Variants in PRDM11 observed in about 807,000 individuals in gnomAD.
PRDM11 encodes the protein PR/SET domain 11, also known as PR domain-containing protein 11.
A neutral mutation model predicts 97.8 loss-of-function variants in PRDM11; 20 were observed. The observed-to-expected ratio is 0.20, with a 90% CI of 0.14 to 0.30. The LOEUF is 0.30. PRDM11 is among the 10% of genes least tolerant of loss of function. PRDM11 has a pLI of 1.00. For synonymous variants in PRDM11, 599 were observed against 637.7 expected (o/e 0.94, Z 0.91); for missense variants, 1,139 against 1,555.2 (o/e 0.73, Z 4.50).
At chr11:45,180,498 G>A (rs1311478905) in intron 1 of PRDM11, among the ~76,000 whole-genome samples, 2 of 151,880 alleles carry the variant, frequency 1.3e-5, no homozygotes, top group East Asian at 3.9e-4. Context: ...GCCCTGGAAT[G>A]CGTCCACCGC....
At chr11:45,220,293 T>C (rs376334942) in intron 6 of PRDM11, among the ~76,000 whole-genome samples, 4 of 152,292 alleles carry the variant, frequency 2.6e-5, no homozygotes, top group African/African-American at 9.6e-5. Flanking sequence ...CTGGTGTTGA[T>C]ATATTTTCCA....
rs150603526 is a variant in PRDM11 at position 45,224,656 on chromosome 11, C to T, written c.1182C>T (p.Ala394=). The T allele has an allele frequency of 5.9e-5, 96 of 1,614,058 alleles. No individual in the cohort carries two copies. The Admixed American group carries it at 6.3e-4, about 11-fold the overall frequency. Residue 394 remains alanine (A), a synonymous_variant, in exon 7 of 8, where the codon GCC becomes GCT. Coordinates refer to ENST00000683152, the MANE Select transcript of PRDM11 (RefSeq NM_001384648.1). ...EPSSFKADSP[A]EASLASDPHE... ...CATCATTCAAGGCCGACAGTCCTGCCGAGGCCTCCCTTGCATCTGACCCTC... is the reference window on the plus strand; with the variant it reads ...CATCATTCAAGGCCGACAGTCCTGCTGAGGCCTCCCTTGCATCTGACCCTC...
chr11:45,102,388 G>T (rs1851992523), intron 1 of PRDM11, among the ~76,000 whole-genome samples: 1 of 152,186 alleles, frequency 6.6e-6, no homozygotes, highest in African/African-American at 2.4e-5. Context: ...TGGAAAGCTG[G>T]CTTTCCCGGG....
At chr11:45,095,751 G>T (rs1047338686), upstream of PRDM11, 3 of 696,720 alleles carry the variant, frequency 4.3e-6, no homozygotes, top group Non-Finnish European at 7.9e-6. Flanking sequence ...TATGATGGCC[G>T]CAGATACGAT....
At chr11:45,192,254 A>G (rs960014779) in intron 4 of PRDM11, among the ~76,000 whole-genome samples, 22 of 152,194 alleles carry the variant, frequency 1.4e-4, no homozygotes, top group African/African-American at 5.3e-4. Flanking sequence ...TTAGAAGGAA[A>G]AGTGGAAGAT....
Position 45,182,991 on chromosome 11 carries a change from G to A in PRDM11, c.354G>A (p.Glu118=), listed in dbSNP as rs752481617. ...RAALTIPQGM[E]VVKDTSGESD... The stretch of plus-strand genomic sequence containing the variant: ...CGCTCACCATCCCACAGGGCATGGA[G>A]GTGGTCAAGGACACTAGTGGAGAGA... Residue 118 remains glutamate, a synonymous_variant, in exon 4 of 8, where the codon GAG becomes GAA. Transcript: ENST00000683152. 3 of 1,614,134 alleles carry A rather than the reference G, an allele frequency of 1.9e-6. No individual in the cohort carries two copies. The highest frequency in any genetic ancestry group is 1.1e-5 in the South Asian group (1 of 91,088).
At position 45,099,450 on chromosome 11, in the gene PRDM11, T is replaced by TAAAAAA. The variant is rs532403075; in HGVS notation, c.96+3569_96+3574dup. ...TGGGTAACAGAGTGAGACTCCATCT[T>TAAAAAA]AAAAAAAAAAAAAAAAAAAAAAAAA... is the stretch of plus-strand genomic sequence containing the variant. On this transcript the variant is annotated intron_variant, in intron 1 of 6. Coordinates refer to the PRDM11 transcript ENST00000530656. Among the ~76,000 whole-genome samples, 204 of 95,210 alleles carry TAAAAAA rather than the reference T, an allele frequency of 2.1e-3. 3 individuals carry two copies. The highest frequency in any genetic ancestry group is 8.0e-3 in the African/African-American group (194 of 24,384). 62.5% of individuals were successfully genotyped at this position (95,210 alleles called of 152,430 possible).
chr11:45,174,670 G>T (rs1852285639), intron 1 of PRDM11, among the ~76,000 whole-genome samples: 1 of 152,134 alleles, frequency 6.6e-6, no homozygotes, highest in African/African-American at 2.4e-5. Flanking sequence ...ATGACAAGTG[G>T]GTAAAGGTCA....
At chr11:45,122,202 GACACACACAC>G (rs756403475) in intron 1 of PRDM11, among the ~76,000 whole-genome samples, 106 of 145,132 alleles carry the variant, frequency 7.3e-4, no homozygotes, top group African/African-American at 2.5e-3. Flanking sequence ...CACACACACA[GACACACACAC>G]ACACACACAC....
intron 1 of PRDM11, among the ~76,000 whole-genome samples, chr11:45,136,659 T>C (rs986375549): frequency 6.6e-6 from 1 of 151,946 alleles, no homozygotes; most frequent in Non-Finnish European, 1.5e-5. Flanking sequence ...CGGCTGAAAA[T>C]AGAAGGATCA....
At position 45,122,224 on chromosome 11, in the gene PRDM11, C is replaced by CAA. The variant is rs1474748560; in HGVS notation, c.96+26324_96+26325insAA. ...ACAGACACACACACACACACACACA[C>CAA]ACACACACACACAGAGAGAAACAGA... On this transcript the variant is annotated intron_variant, in intron 1 of 6. Transcript: ENST00000530656. Among the ~76,000 whole-genome samples the CAA allele has an allele frequency of 1.3e-3, 176 of 137,532 alleles. 1 individual carries two copies. The East Asian group carries it at 0.032, about 25-fold the overall frequency. 90.2% of individuals were successfully genotyped at this position (137,532 alleles called of 152,430 possible).
intron 4 of PRDM11, among the ~76,000 whole-genome samples, chr11:45,196,526 G>A (rs1030182901): frequency 8.5e-5 from 13 of 152,232 alleles, no homozygotes; most frequent in Admixed American, 5.9e-4. Context: ...GATACTCCTG[G>A]ATCTCTCTCT....
chr11:45,212,554 G>A (rs1168223652), intron 5 of PRDM11: 1 of 456,112 alleles, frequency 2.2e-6, no homozygotes, highest in Non-Finnish European at 4.4e-6. Flanking sequence ...AGGCCCACCT[G>A]GCCAGGCCCG....
chr11:45,144,017 T>C (rs111361597), upstream of PRDM11, among the ~76,000 whole-genome samples: 2 of 152,290 alleles, frequency 1.3e-5, no homozygotes, highest in East Asian at 1.9e-4. Flanking sequence ...CTGGGACCAC[T>C]TTCTGCCCAC....
intron 5 of PRDM11, among the ~76,000 whole-genome samples, chr11:45,205,478 T>C (rs1025989414): frequency 4.6e-5 from 7 of 151,940 alleles, no homozygotes; most frequent in African/African-American, 1.7e-4. Flanking sequence ...AGATCTGACA[T>C]GCCTTGTTGC....
At chr11:45,134,281 A>G (rs1255477620) in intron 1 of PRDM11, among the ~76,000 whole-genome samples, 1 of 152,236 alleles carries the variant, frequency 6.6e-6, no homozygotes, top group South Asian at 2.1e-4. Context: ...CTTTAGTCTT[A>G]CGATCATGTT....
At chr11:45,132,635 TCCA>T (rs1427466172) in intron 1 of PRDM11, among the ~76,000 whole-genome samples, 8 of 152,236 alleles carry the variant, frequency 5.3e-5, no homozygotes, top group Non-Finnish European at 1.2e-4. Flanking sequence ...TACTTCTGTT[TCCA>T]TTCTGTTCCT....
rs1196446014 is a variant in PRDM11, at chr11:45,228,183, T to C, written c.*24T>C. ...AGGGAGCTGGCGCTGCAGAGTTCAC[T>C]AAGCTGTTGAATATTTTTTTAATCT... On this transcript the variant is annotated 3_prime_UTR_variant, in exon 8 of 8. Coordinates refer to ENST00000683152, the MANE Select transcript of PRDM11 (RefSeq NM_001384648.1). The C allele has an allele frequency of 6.9e-7, 1 of 1,453,246 alleles. No individual in the cohort carries two copies. The highest frequency in any genetic ancestry group is 2.5e-5 in the East Asian group (1 of 39,892). The allele number at this position is 1,453,246 out of a possible 1,614,324, so 90.0% of individuals were successfully genotyped here. A position where few individuals can be genotyped will look rare whatever the true frequency, so the allele number is the denominator to read the frequency against.
chr11:45,149,682 T>A (rs559557279), intron 1 of PRDM11, among the ~76,000 whole-genome samples: 1 of 152,262 alleles, frequency 6.6e-6, no homozygotes, highest in Non-Finnish European at 1.5e-5. Flanking sequence ...GCACTTTCCC[T>A]GTGGCATGGC....
Sources: gnomAD v4.1 joint callset for allele counts (sites outside exome capture counted in the v4.1 genomes callset) on GRCh38, gnomAD v4.1.1 for gene constraint, MANE v1.5 for transcripts, NCBI Gene and HGNC (gene_info 2026-07-23, HGNC 2026-07-21) for gene names.